Variants in TASP1 observed in about 807,000 individuals in gnomAD.
TASP1 encodes threonine aspartase 1.
TASP1 carries 16 observed loss-of-function variants against 56.6 expected under a neutral mutation model. The ratio of observed to expected loss-of-function variants is 0.28; its 90% CI spans 0.19 to 0.43. The LOEUF is 0.43. Ranked by LOEUF, TASP1 falls within the 20% of genes least tolerant of loss-of-function variation. The probability of loss-of-function intolerance (pLI) is 1.00; values close to 1 mark genes in which losing one functional copy is unlikely to be tolerated. For missense variants in TASP1, 393 were observed against 511.6 expected (o/e 0.77, Z 2.24); for synonymous variants, 179 against 184.2 (o/e 0.97, Z 0.23).
the TASP1 span, among the ~76,000 whole-genome samples, chr20:13,236,239 A>C: frequency 3.8e-3 from 583 of 152,258 alleles, 5 homozygotes; most frequent in Middle Eastern, 0.017. Context: ...TCCTTCTAAC[A>C]AGGACCTGCT....
chr20:13,284,575 C>T, the TASP1 span, among the ~76,000 whole-genome samples: 1 of 152,192 alleles, frequency 6.6e-6, no homozygotes, highest in Non-Finnish European at 1.5e-5. Flanking sequence ...GAGCACTGCC[C>T]TCAATGATTT....
the TASP1 span, among the ~76,000 whole-genome samples, chr20:13,255,539 G>A: frequency 1.3e-5 from 2 of 152,212 alleles, no homozygotes; most frequent in Non-Finnish European, 2.9e-5. Flanking sequence ...AGAGAAGGCA[G>A]TATCTAAATA....
In TASP1 at chr20:13,456,309, C is replaced by T. The variant is rs980170839; in HGVS notation, c.986-21155G>A. 2.6e-5 allele frequency among the ~76,000 whole-genome samples: 4 copies of T among 152,032 alleles called. 1 individual carries two copies. In the South Asian group the frequency reaches 6.2e-4, roughly 24 times the overall value. ...AGCCAAAGCTTTAGCAGAAAAATGC[C>T]TAGGAAGACTTCACCAGAGAGTCCT... On this transcript the variant is annotated intron_variant, in intron 11 of 13. Coordinates refer to ENST00000337743, the MANE Select transcript of TASP1 (RefSeq NM_017714.3).
the TASP1 span, among the ~76,000 whole-genome samples, chr20:13,371,573 C>T: frequency 1.3e-5 from 2 of 152,088 alleles, no homozygotes; most frequent in Non-Finnish European, 2.9e-5. Context: ...GCCTGACATA[C>T]AGTCTATTCT....
intron 1 of TASP1, among the ~76,000 whole-genome samples, chr20:13,632,330 A>T (rs144800910): frequency 1.7e-3 from 260 of 149,926 alleles, no homozygotes; most frequent in African/African-American, 6.0e-3. Context: ...ACGCCACTGC[A>T]CTCCGGCCTG....
chr20:13,563,487 T>C (rs1471076123), intron 7 of TASP1, among the ~76,000 whole-genome samples: 2 of 152,044 alleles, frequency 1.3e-5, no homozygotes, highest in African/African-American at 4.8e-5. Context: ...CAATACCCCT[T>C]ATGAACGTTG....
intron 2 of TASP1, among the ~76,000 whole-genome samples, chr20:13,626,870 T>C (rs1409498080): frequency 6.6e-6 from 1 of 151,802 alleles, no homozygotes; most frequent in African/African-American, 2.4e-5. Flanking sequence ...AACATGTAAA[T>C]CCTTTTGAAA....
intron 8 of TASP1, among the ~76,000 whole-genome samples, chr20:13,535,937 C>G (rs2045400188): frequency 6.6e-6 from 1 of 152,162 alleles, no homozygotes; most frequent in African/African-American, 2.4e-5. Context: ...AGATTAAGAA[C>G]AGCAGTACGG....
At chr20:13,365,328 C>G in the TASP1 span, among the ~76,000 whole-genome samples, 1 of 152,098 alleles carries the variant, frequency 6.6e-6, no homozygotes, top group African/African-American at 2.4e-5. Context: ...GGTTTGGTCT[C>G]TAGATTCACG....
rs183729075 is a variant in TASP1, at chr20:13,397,425, A to G, written c.1171-6973T>C. ...ACTATACCTATTTTTTTCAGATGAA[A>G]AAAAAAATGAGACAGAATGATAATG... On this transcript the variant is annotated intron_variant, in intron 13 of 13. Coordinates refer to ENST00000337743, the MANE Select transcript of TASP1 (RefSeq NM_017714.3). Among the ~76,000 whole-genome samples, 20 of 152,266 alleles carry G rather than the reference A, an allele frequency of 1.3e-4. No homozygotes were observed. In the East Asian group the frequency reaches 3.3e-3, roughly 25 times the overall value.
chr20:13,281,998 C>A, the TASP1 span, among the ~76,000 whole-genome samples: 3 of 152,176 alleles, frequency 2.0e-5, no homozygotes, highest in African/African-American at 4.8e-5. Flanking sequence ...ATGTTTCAAG[C>A]CTGACTCCAG....
In TASP1 at chr20:13,394,411, C is replaced by T. The variant is rs528121916; in HGVS notation, c.1171-3959G>A. 2.6e-4 allele frequency among the ~76,000 whole-genome samples: 40 copies of T among 151,118 alleles called. No homozygotes were observed. In the East Asian group the frequency reaches 6.2e-3, roughly 24 times the overall value. On this transcript the variant is annotated intron_variant, in intron 13 of 13. Transcript: ENST00000337743. ...GGATCACGAGGTCAGGAGTTTGAGA[C>T]CATCCTGGCTAACATGGTGAAACCC...
rs1215618932 is a variant in TASP1, at chr20:13,389,494, T to C, written c.*866A>G. The C allele has an allele frequency of 6.6e-6, 1 of 152,392 alleles. No homozygotes were observed. Among genetic ancestry groups the C allele is most frequent in the African/African-American group, 2.4e-5 (1 of 41,458 alleles). The allele number at this position is 152,392 out of a possible 1,614,324, so 9.4% of individuals were successfully genotyped here. A position where few individuals can be genotyped will look rare whatever the true frequency, so the allele number is the denominator to read the frequency against. On this transcript the variant is annotated 3_prime_UTR_variant, in exon 14 of 14. Transcript: ENST00000337743. ...TTGTGCCTTTATCTTAAAAATATAT[T>C]TAAACAAAAACAAAGATAATATTGA... is the stretch of plus-strand genomic sequence containing the variant.
chr20:13,570,136 C>A (rs1286099218), intron 6 of TASP1, among the ~76,000 whole-genome samples: 1 of 148,624 alleles, frequency 6.7e-6, no homozygotes, highest in Non-Finnish European at 1.5e-5. Flanking sequence ...ATGGTATGTC[C>A]CAAAAGTAAC....
At chr20:13,494,667 A>G (rs749345695) in intron 10 of TASP1, among the ~76,000 whole-genome samples, 2 of 152,144 alleles carry the variant, frequency 1.3e-5, no homozygotes, top group African/African-American at 4.8e-5. Flanking sequence ...TGCTCATTCC[A>G]TAACAGTCAC....
the TASP1 span, among the ~76,000 whole-genome samples, chr20:13,172,034 A>T: frequency 6.6e-6 from 1 of 152,086 alleles, no homozygotes; most frequent in East Asian, 1.9e-4. Context: ...ATCTCAGAAT[A>T]TAAAGCAAAG....
rs539544229 is a variant in TASP1, at chr20:13,484,838, G to A, written c.875-1501C>T. Among the ~76,000 whole-genome samples the A allele has an allele frequency of 5.9e-5, 9 of 152,098 alleles. No individual in the cohort carries two copies. The South Asian group carries it at 1.0e-3, about 18-fold the overall frequency. On this transcript the variant is annotated intron_variant, in intron 10 of 13. Coordinates refer to ENST00000337743, the MANE Select transcript of TASP1 (RefSeq NM_017714.3). ...AGTTCATGTCCTTTGCAGGGACGTG[G>A]ATGAAGCTGGAAACCATCATTCTCA...
the TASP1 span, among the ~76,000 whole-genome samples, chr20:13,259,990 A>G: frequency 5.3e-5 from 8 of 152,358 alleles, no homozygotes; most frequent in African/African-American, 1.9e-4. Flanking sequence ...GAATGAATCC[A>G]TGAATAGAGC....
the TASP1 span, among the ~76,000 whole-genome samples, chr20:13,189,641 T>TA: frequency 1.6e-4 from 24 of 151,572 alleles, no homozygotes; most frequent in Admixed American, 6.6e-4. Context: ...TATTATTAAA[T>TA]AAAAAAAATA....
Sources: gnomAD v4.1 joint callset for allele counts (sites outside exome capture counted in the v4.1 genomes callset) on GRCh38, gnomAD v4.1.1 for gene constraint, MANE v1.5 for transcripts, NCBI Gene and HGNC (gene_info 2026-07-23, HGNC 2026-07-21) for gene names.